NDUFAF1: variants seen among roughly 807,000 people sequenced by gnomAD.
The protein encoded by NDUFAF1 is complex I intermediate-associated protein 30, mitochondrial.
Under a neutral mutation model 28.7 loss-of-function variants are expected in NDUFAF1, and 18 were observed. The ratio of observed to expected loss-of-function variants is 0.63; its 90% CI spans 0.43 to 0.93. The LOEUF (loss-of-function observed/expected upper bound fraction) is 0.93, where lower values mean the gene tolerates loss of function less well. Among genes scored for constraint, NDUFAF1 ranks in the 40% least tolerant of loss-of-function variants. The pLI is 0.00. For synonymous variants in NDUFAF1, 113 were observed against 139.7 expected (o/e 0.81, Z 1.35); for missense variants, 404 against 398.3 (o/e 1.01, Z -0.12).
chr15:41,394,713 TCA>T, intron 3 of NDUFAF1, 144 bp downstream of exon 3: 1 of 703,542 alleles, frequency 1.4e-6, no homozygotes, highest in East Asian at 3.0e-5. Context: ...AGACTAGGTT[TCA>T]CCATGTTGGC....
At chr15:41,389,966 ATTTTT>A (rs34963452) in intron 3 of NDUFAF1, among the ~76,000 whole-genome samples, 2 of 149,202 alleles carry the variant, frequency 1.3e-5, no homozygotes, top group Middle Eastern at 3.4e-3. Context: ...AGAAAAAAAA[ATTTTT>A]TTTTTTGAGA....
intron 1 of NDUFAF1, among the ~76,000 whole-genome samples, chr15:41,400,688 ATTTTTTT>A (rs58010983): frequency 1.6e-3 from 160 of 97,820 alleles, no homozygotes; most frequent in Middle Eastern, 7.6e-3. Context: ...ATGCCCAGCT[ATTTTTTT>A]TTTTTTTTTT....
Position 41,399,376 on chromosome 15 carries a change from A to G in NDUFAF1, c.-81-2236T>C, listed in dbSNP as rs183618386. ...GTGCCATTGCACTCCAGCCTGGGCG[A>G]CAGAGTGACTCCAACTAAAAAAAAA... is the stretch of plus-strand genomic sequence containing the variant. On this transcript the variant is annotated intron_variant, in intron 1 of 4. Transcript: ENST00000260361. 9.2e-4 allele frequency among the ~76,000 whole-genome samples: 139 copies of G among 151,466 alleles called. 4 individuals carry two copies. In the East Asian group the frequency reaches 0.023, roughly 25 times the overall value.
rs747710046 is a variant in NDUFAF1, at chr15:41,402,483, C to A, written c.-421G>T. 1.1e-5 allele frequency: 4 copies of A among 376,994 alleles called. No individual in the cohort carries two copies. The highest frequency in any genetic ancestry group is 3.3e-5 in the Admixed American group (1 of 30,396). 23.4% of individuals were successfully genotyped at this position (376,994 alleles called of 1,614,324 possible). On this transcript the variant is annotated 5_prime_UTR_variant, in exon 1 of 5. Transcript: ENST00000260361. ...TATAGTGTACCTTCCGCCCAGAAGCCACTTTACCCGTATAGGTCCATCTGC... is the reference window on the plus strand; with the variant it reads ...TATAGTGTACCTTCCGCCCAGAAGCAACTTTACCCGTATAGGTCCATCTGC...
Position 41,397,863 on chromosome 15 carries a change from A to T in NDUFAF1, c.-81-723T>A, listed in dbSNP as rs576172103. On this transcript the variant is annotated intron_variant, in intron 1 of 4. Transcript: ENST00000260361. ...AACATGGTGAAACCCCGTCTCTACT[A>T]AAAATACAAAACTTAGCTGGGTGTG... Among the ~76,000 whole-genome samples, 6 of 151,458 alleles carry T rather than the reference A, an allele frequency of 4.0e-5. No homozygotes were observed. In the East Asian group the frequency reaches 1.2e-3, roughly 29 times the overall value.
In NDUFAF1 at chr15:41,402,246, C is replaced by G; in HGVS notation, c.-184G>C. On this transcript the variant is annotated 5_prime_UTR_variant, in exon 1 of 5. Transcript: ENST00000260361. ...TATAGAGACGAAGAAACTGACGTTC[C>G]AAGGCTAATTTACCCGAGGTCACAC... 2.2e-6 allele frequency: 1 copy of G among 454,090 alleles called. No individual in the cohort carries two copies. The highest frequency in any genetic ancestry group is 1.6e-5 in the South Asian group (1 of 64,478). 28.1% of individuals were successfully genotyped at this position (454,090 alleles called of 1,614,324 possible).
intron 3 of NDUFAF1, 80 bp from the exon 4 acceptor site, chr15:41,388,602 G>A: frequency 2.2e-6 from 2 of 927,654 alleles, no homozygotes; most frequent in Non-Finnish European, 3.6e-6. Flanking sequence ...GATAAAATGA[G>A]TTTACATTTA....
At chr15:41,402,004 T>G in intron 1 of NDUFAF1, 140 bp downstream of exon 1, 1 of 269,842 alleles carries the variant, frequency 3.7e-6, no homozygotes, top group Non-Finnish European at 7.6e-6. Flanking sequence ...ATGCTTTGTT[T>G]CATTTTTTTT....
chr15:41,396,488 C>T lies in NDUFAF1; in HGVS notation c.572G>A (p.Arg191Lys), dbSNP rs746853080. 2 of 1,614,122 alleles carry T rather than the reference C, an allele frequency of 1.2e-6. No individual in the cohort carries two copies. The highest frequency in any genetic ancestry group is 3.3e-5 in the Admixed American group (2 of 59,986). The change falls in exon 2 of 5, where the codon AGG (arginine) becomes AAG (lysine). Residue 191 changes from arginine to lysine, a missense_variant and splice_region_variant. By Grantham distance (26) the Arg-to-Lys change is conservative. Coordinates refer to ENST00000260361, the MANE Select transcript of NDUFAF1 (RefSeq NM_016013.4). ...CGATGGCTCCTGGGCCTCACCTACC[C>T]TTGGAATCCTGGATATCATTGCACA... ...GYCAMISRIPRGAFERKMSYD... is the reference protein window; with the variant it reads ...GYCAMISRIPKGAFERKMSYD...
At chr15:41,387,964 G>A (rs2140907454) in intron 4 of NDUFAF1, among the ~76,000 whole-genome samples, 1 of 152,218 alleles carries the variant, frequency 6.6e-6, no homozygotes, top group South Asian at 2.1e-4. Context: ...ACAAAGATTA[G>A]CCAAGTGTGG....
chr15:41,387,824 T>C (rs775670901), intron 4 of NDUFAF1, among the ~76,000 whole-genome samples: 14 of 152,100 alleles, frequency 9.2e-5, no homozygotes, highest in Non-Finnish European at 1.5e-4. Flanking sequence ...CACTTAAGAC[T>C]AGGAAGGACG....
Position 41,394,866 on chromosome 15 carries a change from T to G in NDUFAF1, c.752A>C (p.Glu251Ala). The G allele has an allele frequency of 6.2e-7, 1 of 1,614,002 alleles. No homozygotes were observed. The highest frequency in any genetic ancestry group is 8.5e-7 in the Non-Finnish European group (1 of 1,179,980). The change falls in exon 3 of 5, where the codon GAG (glutamate) becomes GCG (alanine). Residue 251 changes from glutamate to alanine, a missense_variant. Physicochemically the swap from Glu to Ala is moderately radical, Grantham distance 107. Coordinates refer to ENST00000260361, the MANE Select transcript of NDUFAF1 (RefSeq NM_016013.4). Reference sequence around the variant, plus strand: ...GAAGATTTATGCTGTTACCTTGACCTCCTGCCAGTAGGGTCCCCCGCGGGT... The same window carrying G: ...GAAGATTTATGCTGTTACCTTGACCGCCTGCCAGTAGGGTCCCCCGCGGGT... ...MFTRGGPYWQ[E>A]VKIPFSKFFF...
intron 3 of NDUFAF1, among the ~76,000 whole-genome samples, chr15:41,392,916 A>T (rs1383738831): frequency 6.6e-6 from 1 of 152,088 alleles, no homozygotes; most frequent in Non-Finnish European, 1.5e-5. Flanking sequence ...ACAAACAGGG[A>T]AATCAATAAT....
At chr15:41,397,196 T>C (rs962168631) in intron 1 of NDUFAF1, 56 bp from the exon 2 acceptor site, 1 of 668,914 alleles carries the variant, frequency 1.5e-6, no homozygotes, top group Non-Finnish European at 2.6e-6. Flanking sequence ...GCATCACAAT[T>C]TCAAATTCAA....
intron 2 of NDUFAF1, 29 bp downstream of exon 2, chr15:41,396,458 G>A: frequency 6.2e-7 from 1 of 1,606,264 alleles, no homozygotes; most frequent in South Asian, 1.1e-5. Context: ...CTGTTTACTA[G>A]AAAACGATGG....
At position 41,387,387 on chromosome 15, in the gene NDUFAF1, A is replaced by G. The variant is rs200969498; in HGVS notation, c.*57T>C. ...ATTAAAGAAATATTTTATTTTGTCT[A>G]TATCATTGTAGATGCTAGTACCCTT... On this transcript the variant is annotated 3_prime_UTR_variant, in exon 5 of 5. Transcript: ENST00000260361. The G allele has an allele frequency of 2.7e-6, 4 of 1,490,646 alleles. No homozygotes were observed. In the East Asian group the frequency reaches 6.8e-5, roughly 25 times the overall value. 92.3% of individuals were successfully genotyped at this position (1,490,646 alleles called of 1,614,324 possible).
chr15:41,388,358 G>T, intron 4 of NDUFAF1, 90 bp downstream of exon 4: 2 of 1,050,888 alleles, frequency 1.9e-6, no homozygotes, highest in Non-Finnish European at 2.9e-6. Flanking sequence ...ATATTCATCT[G>T]CCAGCCTTCT....
intron 3 of NDUFAF1, among the ~76,000 whole-genome samples, chr15:41,391,733 G>T (rs186208071): frequency 6.6e-6 from 1 of 152,122 alleles, no homozygotes; most frequent in African/African-American, 2.4e-5. Flanking sequence ...GAAAGTTATA[G>T]GATGGTGGTG....
chr15:41,402,303 G>C lies in NDUFAF1; in HGVS notation c.-241C>G. On this transcript the variant is annotated 5_prime_UTR_variant, in exon 1 of 5. Transcript: ENST00000260361. ...TGAGTGGCAAAATTCTTCCGCCTTGGCGTATACCTCCCGCACTCACGGCCT... is the reference window on the plus strand; with the variant it reads ...TGAGTGGCAAAATTCTTCCGCCTTGCCGTATACCTCCCGCACTCACGGCCT... 1 of 454,082 alleles carries C rather than the reference G, an allele frequency of 2.2e-6. No individual in the cohort carries two copies. Among genetic ancestry groups the C allele is most frequent in the Non-Finnish European group, 4.4e-6 (1 of 226,788 alleles). The allele number at this position is 454,082 out of a possible 1,614,324, so 28.1% of individuals were successfully genotyped here. A position where few individuals can be genotyped will look rare whatever the true frequency, so the allele number is the denominator to read the frequency against.
Sources: allele counts gnomAD v4.1 joint callset (sites outside exome capture counted in the v4.1 genomes callset), GRCh38; gene constraint gnomAD v4.1.1; transcripts MANE v1.5; gene names NCBI Gene and HGNC (gene_info 2026-07-23, HGNC 2026-07-21).